ABHD2: variants seen among roughly 807,000 people sequenced by gnomAD.
The protein encoded by ABHD2 is monoacylglycerol lipase ABHD2.
ABHD2 carries 20 observed loss-of-function variants against 48.1 expected under a neutral mutation model. That is an observed-to-expected ratio of 0.42 (90% CI 0.29 to 0.60). ABHD2 has a LOEUF of 0.60. ABHD2 is among the 20% of genes least tolerant of loss of function. The probability of loss-of-function intolerance (pLI) is 0.24; values close to 1 mark genes in which losing one functional copy is unlikely to be tolerated. For synonymous variants in ABHD2, 209 were observed against 214.2 expected (o/e 0.98, Z 0.21); for missense variants, 405 against 550.9 (o/e 0.74, Z 2.65).
chr15:89,080,291 A>T, the ABHD2 span, among the ~76,000 whole-genome samples: 3 of 152,200 alleles, frequency 2.0e-5, no homozygotes, highest in Admixed American at 6.5e-5. Context: ...GTTCTTCCCA[A>T]GAAAACACTT....
At chr15:89,138,553 A>G (rs2050351657) in intron 3 of ABHD2, among the ~76,000 whole-genome samples, 1 of 152,234 alleles carries the variant, frequency 6.6e-6, no homozygotes, top group Non-Finnish European at 1.5e-5. Flanking sequence ...CCCCAGATGT[A>G]TCTTCTGCAG....
At chr15:89,132,183 G>A (rs781637013) in intron 3 of ABHD2, among the ~76,000 whole-genome samples, 4 of 152,184 alleles carry the variant, frequency 2.6e-5, no homozygotes, top group Non-Finnish European at 5.9e-5. Context: ...GAAAGAAAGA[G>A]CTGTCGGGTC....
At chr15:89,076,415 C>A in the ABHD2 span, among the ~76,000 whole-genome samples, 1 of 152,162 alleles carries the variant, frequency 6.6e-6, no homozygotes, top group Admixed American at 6.6e-5. Context: ...AAAACATAAT[C>A]ATAATATAAT....
the ABHD2 span, among the ~76,000 whole-genome samples, chr15:89,045,249 G>A: frequency 8.4e-4 from 127 of 151,790 alleles, no homozygotes; most frequent in Middle Eastern, 3.4e-3. Flanking sequence ...GCTCTGTTCT[G>A]TTCCATTGAT....
At chr15:89,192,202 C>A (rs2051317838) in intron 9 of ABHD2, among the ~76,000 whole-genome samples, 1 of 152,178 alleles carries the variant, frequency 6.6e-6, no homozygotes, top group African/African-American at 2.4e-5. Flanking sequence ...TGTAGTTGTG[C>A]TGTCTTATCA....
At chr15:89,048,268 G>A in the ABHD2 span, among the ~76,000 whole-genome samples, 6 of 152,024 alleles carry the variant, frequency 3.9e-5, no homozygotes, top group South Asian at 2.1e-4. Context: ...CGAGAGATCC[G>A]CTGTTAGTCT....
intron 3 of ABHD2, among the ~76,000 whole-genome samples, chr15:89,128,067 C>T (rs1396138998): frequency 6.6e-6 from 1 of 152,168 alleles, no homozygotes; most frequent in Non-Finnish European, 1.5e-5. Flanking sequence ...TCTCTGTCTT[C>T]CCTGTGGTTG....
rs145443146 is a variant in ABHD2, at chr15:89,127,722, C to CACACAT, written c.194+11202_194+11203insCACATA. Among the ~76,000 whole-genome samples, 176 of 133,118 alleles carry CACACAT rather than the reference C, an allele frequency of 1.3e-3. 10 individuals are homozygous for CACACAT. Among genetic ancestry groups the CACACAT allele is most frequent in the African/African-American group, 5.3e-3 (162 of 30,760 alleles). The allele number at this position is 133,118 out of a possible 152,430, so 87.3% of individuals were successfully genotyped here. On this transcript the variant is annotated intron_variant, in intron 3 of 10. Transcript: ENST00000352732. ...ATATATATACATATATATATATACA[C>CACACAT]ATATATATATATATATATGTATATT... is the stretch of plus-strand genomic sequence containing the variant.
At chr15:89,057,876 C>A in the ABHD2 span, among the ~76,000 whole-genome samples, 1 of 152,130 alleles carries the variant, frequency 6.6e-6, no homozygotes, top group South Asian at 2.1e-4. Flanking sequence ...CACCGTGAGT[C>A]AAAACTTTAG....
In ABHD2 at chr15:89,179,659, A is replaced by G; in HGVS notation, c.722+3664A>G. On this transcript the variant is annotated intron_variant, in intron 6 of 10. Transcript: ENST00000352732. The surrounding 1 kb of genome is among the most constrained non-coding windows in gnomAD (Gnocchi z 4.3). Reference sequence around the variant, plus strand: ...ATTATAAATGTAATGTGCTTGAATCATCCTGAAGCCATCCCCCTGCCCCTG... The same window carrying G: ...ATTATAAATGTAATGTGCTTGAATCGTCCTGAAGCCATCCCCCTGCCCCTG... Among the ~76,000 whole-genome samples, 1 of 152,200 alleles carries G rather than the reference A, an allele frequency of 6.6e-6. No individual in the cohort carries two copies. The highest frequency in any genetic ancestry group is 1.9e-4 in the East Asian group (1 of 5,196).
In ABHD2 at chr15:89,182,675, C is replaced by A. The variant is rs185647571; in HGVS notation, c.723-2749C>A. ...GGGCATGATGGCACACACCTGTAGT[C>A]CCAGCTACTCGGGAGTCTGAAGCAG... On this transcript the variant is annotated intron_variant, in intron 6 of 10. Transcript: ENST00000352732. This position sits in a 1 kb window ranked among gnomAD's most constrained non-coding sequence, Gnocchi z 4.8. 6.6e-6 allele frequency among the ~76,000 whole-genome samples: 1 copy of A among 152,152 alleles called. No homozygotes were observed. The highest frequency in any genetic ancestry group is 1.9e-4 in the East Asian group (1 of 5,192).
the ABHD2 span, among the ~76,000 whole-genome samples, chr15:89,056,368 A>G: frequency 6.6e-6 from 1 of 152,196 alleles, no homozygotes; most frequent in African/African-American, 2.4e-5. Flanking sequence ...GTAAGAAAGA[A>G]CACCATGCCC....
rs150813373 is a variant in ABHD2, at chr15:89,193,330, C to T, written c.1081+11C>T. ...CAAAATCTCTTTCAGGTAAGTGTTT[C>T]TTCCTGCTGCCCTCTCAACAGCTCA... On this transcript the variant is annotated intron_variant, in intron 10 of 10. Transcript: ENST00000352732. The T allele has an allele frequency of 1.9e-6, 3 of 1,605,898 alleles. No individual in the cohort carries two copies. Among genetic ancestry groups the T allele is most frequent in the East Asian group, 4.5e-5 (2 of 44,856 alleles).
At chr15:89,183,623 G>C (rs1420434455) in intron 6 of ABHD2, among the ~76,000 whole-genome samples, 1 of 151,466 alleles carries the variant, frequency 6.6e-6, no homozygotes, top group Non-Finnish European at 1.5e-5. Context: ...CTGAGCCCTG[G>C]GTCCCTGTGA....
Position 89,188,206 on chromosome 15 carries a change from G to C in ABHD2, c.829G>C (p.Gly277Arg). Residue 277 changes from glycine (G) to arginine (R), a missense_variant, in exon 8 of 11, where the codon GGA (glycine) becomes CGA (arginine). By Grantham distance (125) the Gly-to-Arg change is moderately radical (BLOSUM62 -2). Transcript: ENST00000352732. This position sits in a 1 kb window ranked among gnomAD's most constrained non-coding sequence, Gnocchi z 4.1. The part of the protein sequence containing the change: ...IILSHRQALF[G>R]DHVKKPQSLE... ...TGTTTGCTCTAGGCAAGCTCTTTTT[G>C]GAGACCATGTTAAGAAACCCCAGAG... 1 of 1,614,106 alleles carries C rather than the reference G, an allele frequency of 6.2e-7. No homozygotes were observed. The highest frequency in any genetic ancestry group is 8.5e-7 in the Non-Finnish European group (1 of 1,179,984).
chr15:89,041,438 C>G, the ABHD2 span: 5 of 152,246 alleles, frequency 3.3e-5, no homozygotes, highest in South Asian at 1.0e-3. Flanking sequence ...AATTCTGTCT[C>G]CACCCATCAG....
At chr15:89,105,871 T>C (rs1360728991) in intron 1 of ABHD2, among the ~76,000 whole-genome samples, 2 of 152,108 alleles carry the variant, frequency 1.3e-5, no homozygotes, top group African/African-American at 4.8e-5. Context: ...TTTTTTTTTT[T>C]TCTTTTAAAC....
At chr15:89,141,622 CA>C (rs113171791) in intron 3 of ABHD2, among the ~76,000 whole-genome samples, 6 of 149,492 alleles carry the variant, frequency 4.0e-5, no homozygotes, top group South Asian at 2.1e-4. Context: ...AACTCTGTCT[CA>C]AAAAAAAAAG....
chr15:89,046,089 G>C, the ABHD2 span, among the ~76,000 whole-genome samples: 1 of 152,202 alleles, frequency 6.6e-6, no homozygotes, highest in Non-Finnish European at 1.5e-5. Flanking sequence ...CTAATTTATT[G>C]AGAGTTTTTA....
Sources: gnomAD v4.1 joint callset for allele counts (sites outside exome capture counted in the v4.1 genomes callset) on GRCh38, gnomAD v4.1.1 for gene constraint, Gnocchi (gnomAD v3.1) non-coding constraint, MANE v1.5 for transcripts, NCBI Gene and HGNC (gene_info 2026-07-23, HGNC 2026-07-21) for gene names.